Variants in CCDC85A observed in about 807,000 individuals in gnomAD.
The protein encoded by CCDC85A is coiled-coil domain containing 85A, also known as coiled-coil domain-containing protein 85A.
CCDC85A carries 38 observed loss-of-function variants against 50.2 expected under a neutral mutation model. The ratio of observed to expected loss-of-function variants is 0.76; its 90% confidence interval spans 0.58 to 0.99. The LOEUF (loss-of-function observed/expected upper bound fraction) is 0.99. Ranked by LOEUF, CCDC85A falls within the 50% of genes least tolerant of loss-of-function variation. CCDC85A has a pLI of 0.00. For synonymous variants in CCDC85A, 366 were observed against 301.4 expected, an observed-to-expected ratio of 1.21 and a Z score of -2.22; for missense variants, 820 against 742.0, an observed-to-expected ratio of 1.11 and a Z score of -1.22.
intron 5 of CCDC85A, among the ~76,000 whole-genome samples, chr2:56,378,616 T>A (rs554968611): frequency 3.5e-4 from 53 of 152,352 alleles, no homozygotes; most frequent in African/African-American, 1.2e-3. Context: ...GTGGCATTTT[T>A]ATAATAATAA....
At chr2:56,325,916 A>G (rs1370093356) in intron 2 of CCDC85A, among the ~76,000 whole-genome samples, 3 of 152,132 alleles carry the variant, frequency 2.0e-5, no homozygotes, top group Non-Finnish European at 2.9e-5. Flanking sequence ...CACTGAACTG[A>G]TTAAGGAGAT....
chr2:56,275,158 C>A (rs766645941), intron 2 of CCDC85A, among the ~76,000 whole-genome samples: 7 of 152,114 alleles, frequency 4.6e-5, no homozygotes, highest in Non-Finnish European at 8.8e-5. Context: ...TTCACAGAAA[C>A]CTGCTTTGAA....
chr2:56,293,065 A>G (rs888233586), intron 2 of CCDC85A, among the ~76,000 whole-genome samples: 10 of 152,164 alleles, frequency 6.6e-5, no homozygotes, highest in Admixed American at 6.5e-4. Context: ...CCCCAGCTGG[A>G]GAAGACCAGA....
In CCDC85A at chr2:56,299,386, A is replaced by G. The variant is rs543273104; in HGVS notation, c.1241-43493A>G. Among the ~76,000 whole-genome samples the G allele has an allele frequency of 5.9e-5, 9 of 152,244 alleles. 1 individual carries two copies. In the East Asian group the frequency reaches 1.7e-3, roughly 29 times the overall value. ...ATGCCCCCTGCTGATTTCTTCCTTGATTAGTCTTTTCTAATGTTCTTGCCT... is the reference window on the plus strand; with the variant it reads ...ATGCCCCCTGCTGATTTCTTCCTTGGTTAGTCTTTTCTAATGTTCTTGCCT... On this transcript the variant is annotated intron_variant, in intron 2 of 5. Coordinates refer to ENST00000407595, the MANE Select transcript of CCDC85A (RefSeq NM_001080433.2).
intron 2 of CCDC85A, among the ~76,000 whole-genome samples, chr2:56,223,618 C>G (rs1668420811): frequency 6.6e-6 from 1 of 152,128 alleles, no homozygotes; most frequent in Admixed American, 6.6e-5. Flanking sequence ...ACAAACATTT[C>G]CTGACCAAAC....
In CCDC85A at chr2:56,221,599, A is replaced by G. The variant is rs575958653; in HGVS notation, c.1240+28159A>G. 9.3e-4 allele frequency among the ~76,000 whole-genome samples: 141 copies of G among 152,238 alleles called. 2 individuals are homozygous for G. The highest frequency in any genetic ancestry group is 3.2e-3 in the African/African-American group (135 of 41,544). ...GCTGATGAACTATAATTGTAACACA[A>G]GAGTTATTTTTCTGTGAAAAGTAAA... On this transcript the variant is annotated intron_variant, in intron 2 of 5. Coordinates refer to ENST00000407595, the MANE Select transcript of CCDC85A (RefSeq NM_001080433.2).
In CCDC85A at chr2:56,295,424, A is replaced by G. The variant is rs1259422372; in HGVS notation, c.1241-47455A>G. 3.3e-5 allele frequency among the ~76,000 whole-genome samples: 5 copies of G among 152,212 alleles called. No homozygotes were observed. In the South Asian group the frequency reaches 6.2e-4, roughly 19 times the overall value. ...AATGGGCAGATTTTGCCTATGGCAT[A>G]AATATAATTGATTAATAATATGCTG... On this transcript the variant is annotated intron_variant, in intron 2 of 5. Transcript: ENST00000407595.
chr2:56,366,441 A>G (rs1675798720), intron 3 of CCDC85A, among the ~76,000 whole-genome samples: 1 of 152,148 alleles, frequency 6.6e-6, no homozygotes, highest in Non-Finnish European at 1.5e-5. Flanking sequence ...GATAATAGTC[A>G]TTTTAAAAGG....
intron 2 of CCDC85A, among the ~76,000 whole-genome samples, chr2:56,296,569 G>A (rs1034409126): frequency 4.0e-5 from 6 of 151,894 alleles, no homozygotes; most frequent in African/African-American, 1.2e-4. Context: ...GAATTTTGGC[G>A]GCTTTTGATG....
intron 2 of CCDC85A, among the ~76,000 whole-genome samples, chr2:56,322,330 A>C (rs1409674695): frequency 6.6e-6 from 1 of 152,222 alleles, no homozygotes; most frequent in African/African-American, 2.4e-5. Context: ...TCACAGCAAA[A>C]GAAACCACCA....
intron 2 of CCDC85A, among the ~76,000 whole-genome samples, chr2:56,263,610 G>C (rs1486846764): frequency 6.6e-6 from 1 of 152,162 alleles, no homozygotes; most frequent in Non-Finnish European, 1.5e-5. Context: ...GTGTGTTCTT[G>C]AGAGTCTGTG....
At chr2:56,341,235 C>T (rs964886725) in intron 2 of CCDC85A, among the ~76,000 whole-genome samples, 6 of 152,174 alleles carry the variant, frequency 3.9e-5, no homozygotes, top group Non-Finnish European at 7.3e-5. Context: ...TTAGTACACA[C>T]GCTTGAGACC....
chr2:56,211,483 A>G (rs1677176688), intron 2 of CCDC85A, among the ~76,000 whole-genome samples: 1 of 151,974 alleles, frequency 6.6e-6, no homozygotes, highest in South Asian at 2.1e-4. Flanking sequence ...TGTTATCACT[A>G]TCATTGTAAC....
intron 2 of CCDC85A, among the ~76,000 whole-genome samples, chr2:56,231,361 A>G (rs1265667767): frequency 6.6e-6 from 1 of 152,192 alleles, no homozygotes; most frequent in Non-Finnish European, 1.5e-5. Context: ...CTTCAGTCTA[A>G]CAGTGTCCCT....
At chr2:56,194,076 C>T (rs188986996) in intron 2 of CCDC85A, among the ~76,000 whole-genome samples, 3 of 152,320 alleles carry the variant, frequency 2.0e-5, no homozygotes, top group African/African-American at 7.2e-5. Context: ...TCCCTTTCTA[C>T]TCACTCAAAA....
At chr2:56,210,596 T>C (rs904741338) in intron 2 of CCDC85A, among the ~76,000 whole-genome samples, 9 of 152,034 alleles carry the variant, frequency 5.9e-5, no homozygotes, top group African/African-American at 2.2e-4. Flanking sequence ...GCTGGGACCA[T>C]CTGGAGGTAA....
Position 56,192,550 on chromosome 2 carries a change from A to G in CCDC85A, c.350A>G (p.Gln117Arg). 1 of 1,613,924 alleles carries G rather than the reference A, an allele frequency of 6.2e-7. No homozygotes were observed. The highest frequency in any genetic ancestry group is 8.5e-7 in the Non-Finnish European group (1 of 1,179,866). Residue 117 changes from glutamine (Q) to arginine (R), a missense_variant, in exon 2 of 6, where the codon CAG becomes CGG. Coordinates refer to ENST00000407595, the MANE Select transcript of CCDC85A (RefSeq NM_001080433.2). The surrounding 1 kb of genome is among the most constrained non-coding windows in gnomAD (Gnocchi z 4.7). The stretch of plus-strand genomic sequence containing the variant: ...TGCTGTTTCCTGGATGATGACCGGC[A>G]GAAAGGCAAGAGGGTGTCTCGGGAG... ...DLCCFLDDDRQKGKRVSREWQ... is the reference protein window; with the variant it reads ...DLCCFLDDDRRKGKRVSREWQ...
chr2:56,240,301 T>C (rs1669198571), intron 2 of CCDC85A, among the ~76,000 whole-genome samples: 1 of 152,188 alleles, frequency 6.6e-6, no homozygotes, highest in African/African-American at 2.4e-5. Flanking sequence ...GGCCGCTGGC[T>C]GAGTCTTCAT....
chr2:56,252,694 C>T (rs1406759730), intron 2 of CCDC85A, among the ~76,000 whole-genome samples: 3 of 151,942 alleles, frequency 2.0e-5, no homozygotes, highest in Non-Finnish European at 4.4e-5. Flanking sequence ...CCTCCTCGGG[C>T]CCCCCCGCCC....
Sources: gnomAD v4.1 joint callset for allele counts (sites outside exome capture counted in the v4.1 genomes callset) on GRCh38, gnomAD v4.1.1 for gene constraint, Gnocchi (gnomAD v3.1) non-coding constraint, MANE v1.5 for transcripts, NCBI Gene and HGNC (gene_info 2026-07-23, HGNC 2026-07-21) for gene names.